Variants in ST6GALNAC3 observed in about 807,000 individuals in gnomAD.
ST6GALNAC3 encodes alpha-N-acetylgalactosaminide alpha-2,6-sialyltransferase 3.
In ST6GALNAC3, 25 loss-of-function variants were observed where a neutral mutation model predicts 32.7. The observed-to-expected ratio is 0.76, with a 90% confidence interval of 0.56 to 1.07. ST6GALNAC3 has a LOEUF of 1.07. Among genes scored for constraint, ST6GALNAC3 ranks in the 50% least tolerant of loss-of-function variants. The pLI is 0.00. For missense variants in ST6GALNAC3, 355 were observed against 382.4 expected, an observed-to-expected ratio of 0.93 and a Z score of 0.60; for synonymous variants, 129 against 133.1, an observed-to-expected ratio of 0.97 and a Z score of 0.21.
chr1:76,613,259 G>A (rs1020816785), intron 3 of ST6GALNAC3, among the ~76,000 whole-genome samples: 9 of 152,174 alleles, frequency 5.9e-5, no homozygotes, highest in African/African-American at 2.2e-4. Context: ...TCTTGATGTT[G>A]ATCTATCTCC....
intron 1 of ST6GALNAC3, among the ~76,000 whole-genome samples, chr1:76,270,366 G>C (rs1283168572): frequency 2.0e-5 from 3 of 152,074 alleles, no homozygotes; most frequent in South Asian, 2.1e-4. Context: ...AATAAGCCAG[G>C]CATGGTGGCA....
At position 76,322,792 on chromosome 1, in the gene ST6GALNAC3, C is replaced by T. The variant is rs140699500; in HGVS notation, c.213+8793C>T. 3.3e-3 allele frequency among the ~76,000 whole-genome samples: 504 copies of T among 150,730 alleles called. 3 individuals carry two copies. The highest frequency in any genetic ancestry group is 0.012 in the African/African-American group (486 of 40,934). On this transcript the variant is annotated intron_variant, in intron 2 of 4. Coordinates refer to ENST00000328299, the MANE Select transcript of ST6GALNAC3 (RefSeq NM_152996.4). ...TTGGGAAATAGTATGTCTGGTTAAC[C>T]GAGTCATCTGACTAATAGGCATTTG...
At position 76,422,122 on chromosome 1, in the gene ST6GALNAC3, A is replaced by T. The variant is rs1571179880; in HGVS notation, c.623+9705A>T. ...GGATATGAGTTCTCTAAGGCCAAGG[A>T]TCATTGTTTTGTTCACTAATATATC... On this transcript the variant is annotated intron_variant, in intron 3 of 4. Transcript: ENST00000328299. 9.9e-5 allele frequency among the ~76,000 whole-genome samples: 15 copies of T among 152,060 alleles called. No individual in the cohort carries two copies. The South Asian group carries it at 3.1e-3, about 31-fold the overall frequency.
chr1:76,517,187 A>G (rs1052752538), intron 3 of ST6GALNAC3, among the ~76,000 whole-genome samples: 2 of 151,858 alleles, frequency 1.3e-5, no homozygotes, highest in Non-Finnish European at 2.9e-5. Context: ...GAATCAATAC[A>G]TTAAAATATG....
At chr1:76,499,880 G>T (rs1661077321) in intron 3 of ST6GALNAC3, among the ~76,000 whole-genome samples, 1 of 152,080 alleles carries the variant, frequency 6.6e-6, no homozygotes, top group African/African-American at 2.4e-5. Flanking sequence ...AACATAAAAT[G>T]TAAATAGCCG....
At chr1:76,584,747 AC>A (rs1422081964) in intron 3 of ST6GALNAC3, among the ~76,000 whole-genome samples, 4 of 152,238 alleles carry the variant, frequency 2.6e-5, no homozygotes, top group African/African-American at 9.6e-5. Context: ...TATGGTATCC[AC>A]CACTGAAATC....
At chr1:76,592,158 C>T (rs1411596483) in intron 3 of ST6GALNAC3, among the ~76,000 whole-genome samples, 3 of 152,126 alleles carry the variant, frequency 2.0e-5, no homozygotes, top group African/African-American at 7.2e-5. Flanking sequence ...AGAAAACTCA[C>T]TGTGTCAGCA....
At chr1:76,244,717 T>C (rs1657160027) in intron 1 of ST6GALNAC3, among the ~76,000 whole-genome samples, 1 of 152,208 alleles carries the variant, frequency 6.6e-6, no homozygotes, top group Non-Finnish European at 1.5e-5. Context: ...GTTTTTGTCA[T>C]TGGTTCTGTT....
intron 1 of ST6GALNAC3, among the ~76,000 whole-genome samples, chr1:76,173,541 A>T (rs1241858959): frequency 1.3e-5 from 2 of 152,242 alleles, no homozygotes; most frequent in African/African-American, 4.8e-5. Context: ...TATCAGAGTG[A>T]ACAGGCAACC....
chr1:76,531,490 T>C (rs1663253019), intron 3 of ST6GALNAC3, among the ~76,000 whole-genome samples: 1 of 152,164 alleles, frequency 6.6e-6, no homozygotes, highest in African/African-American at 2.4e-5. Context: ...TGCCTGGTTG[T>C]ATGACAAAGC....
intron 1 of ST6GALNAC3, among the ~76,000 whole-genome samples, chr1:76,081,029 A>G (rs1646887179): frequency 1.3e-5 from 2 of 152,200 alleles, no homozygotes; most frequent in Admixed American, 6.5e-5. Context: ...GGTGCCATTT[A>G]TTGAACAGCC....
intron 3 of ST6GALNAC3, among the ~76,000 whole-genome samples, chr1:76,458,291 T>C (rs899636850): frequency 1.6e-5 from 1 of 64,150 alleles, no homozygotes; most frequent in African/African-American, 6.3e-5. Context: ...TTGGTGGGAC[T>C]GTAAACTAGT....
chr1:76,120,602 A>G (rs933039062), intron 1 of ST6GALNAC3, among the ~76,000 whole-genome samples: 36 of 152,242 alleles, frequency 2.4e-4, no homozygotes, highest in African/African-American at 8.2e-4. Context: ...TCAAGGTCAC[A>G]TGAAATTCCA....
chr1:76,504,981 T>C (rs530448295), intron 3 of ST6GALNAC3, among the ~76,000 whole-genome samples: 3 of 152,288 alleles, frequency 2.0e-5, no homozygotes, highest in Admixed American at 6.5e-5. Context: ...AAACTCAGCA[T>C]ACACAATGAG....
intron 3 of ST6GALNAC3, among the ~76,000 whole-genome samples, chr1:76,436,435 G>T (rs1656149155): frequency 6.6e-6 from 1 of 152,056 alleles, no homozygotes; most frequent in African/African-American, 2.4e-5. Context: ...GAGGTATACT[G>T]AGTCAGGATT....
chr1:76,441,321 A>G (rs1265836236), intron 3 of ST6GALNAC3, among the ~76,000 whole-genome samples: 2 of 152,136 alleles, frequency 1.3e-5, no homozygotes, highest in East Asian at 3.9e-4. Context: ...TGTCATCTCA[A>G]TAATCCTATG....
intron 1 of ST6GALNAC3, among the ~76,000 whole-genome samples, chr1:76,098,906 C>T (rs1312423240): frequency 1.3e-5 from 2 of 151,848 alleles, no homozygotes; most frequent in Non-Finnish European, 2.9e-5. Context: ...ATTATTTTGC[C>T]TTTCAAATTT....
At chr1:76,187,278 C>T (rs1302560031) in intron 1 of ST6GALNAC3, among the ~76,000 whole-genome samples, 2 of 152,066 alleles carry the variant, frequency 1.3e-5, no homozygotes, top group East Asian at 3.9e-4. Flanking sequence ...GGTTGTTTTC[C>T]ATCCTGAAGT....
At chr1:76,501,951 A>G (rs1661199218) in intron 3 of ST6GALNAC3, among the ~76,000 whole-genome samples, 1 of 152,218 alleles carries the variant, frequency 6.6e-6, no homozygotes, top group African/African-American at 2.4e-5. Context: ...CTCCTCTTCA[A>G]TGTTCCCACG....
Sources: gnomAD v4.1 joint callset for allele counts (sites outside exome capture counted in the v4.1 genomes callset) on GRCh38, gnomAD v4.1.1 for gene constraint, MANE v1.5 for transcripts, NCBI Gene and HGNC (gene_info 2026-07-23, HGNC 2026-07-21) for gene names.